The following GRK3 variants were observed in gnomAD, a reference collection of about 807,000 sequenced individuals.
GRK3 encodes G protein-coupled receptor kinase 3, also known as adrenergic, beta, receptor kinase 2.
In GRK3, 54 loss-of-function variants were observed where a neutral mutation model predicts 95.7. The observed-to-expected ratio is 0.56, with a 90% CI of 0.45 to 0.71. GRK3 has a LOEUF of 0.71. Ranked by LOEUF, GRK3 falls within the 30% of genes least tolerant of loss-of-function variation. GRK3 has a pLI of 0.00. For synonymous variants in GRK3, 281 were observed against 290.8 expected, an observed-to-expected ratio of 0.97 and a Z score of 0.34; for missense variants, 649 against 851.2, an observed-to-expected ratio of 0.76 and a Z score of 2.96.
At chr22:25,627,067 T>G (rs1054682423) in intron 2 of GRK3, among the ~76,000 whole-genome samples, 1 of 152,162 alleles carries the variant, frequency 6.6e-6, no homozygotes, top group Non-Finnish European at 1.5e-5. Flanking sequence ...AGTGTCATAT[T>G]GCAGAGTACC....
At chr22:25,717,341 C>T (rs1043440476) in intron 18 of GRK3, among the ~76,000 whole-genome samples, 9 of 152,132 alleles carry the variant, frequency 5.9e-5, no homozygotes, top group Admixed American at 1.3e-4. Context: ...GTGAAAAGGA[C>T]GACTCCATCC....
At chr22:25,600,147 GT>G (rs797013361) in intron 1 of GRK3, among the ~76,000 whole-genome samples, 3,677 of 136,946 alleles carry the variant, frequency 0.027, 53 homozygotes, top group Middle Eastern at 0.064. Flanking sequence ...TATCTGCAGG[GT>G]TTTTTTTTTT....
intron 2 of GRK3, among the ~76,000 whole-genome samples, chr22:25,642,346 T>G (rs2084749239): frequency 6.6e-6 from 1 of 152,054 alleles, no homozygotes; most frequent in Non-Finnish European, 1.5e-5. Context: ...GGCAGGAGAA[T>G]TGCTTGAACC....
intron 1 of GRK3, among the ~76,000 whole-genome samples, chr22:25,573,028 T>C (rs1931761346): frequency 6.6e-6 from 1 of 152,220 alleles, no homozygotes; most frequent in African/African-American, 2.4e-5. Context: ...TGTATTACCT[T>C]CTGTGCACTG....
chr22:25,721,837 G>C (rs1485266813), intron 20 of GRK3, among the ~76,000 whole-genome samples: 5 of 152,150 alleles, frequency 3.3e-5, no homozygotes, highest in Non-Finnish European at 7.3e-5. Flanking sequence ...TGGTTCACTA[G>C]TGTGTGTGTT....
chr22:25,655,224 G>A (rs1228972613), intron 3 of GRK3, among the ~76,000 whole-genome samples: 2 of 152,008 alleles, frequency 1.3e-5, no homozygotes, highest in Non-Finnish European at 2.9e-5. Flanking sequence ...TTCTAACTGC[G>A]TATCCTGGCA....
intron 3 of GRK3, among the ~76,000 whole-genome samples, chr22:25,659,106 G>T (rs1262591496): frequency 6.6e-6 from 1 of 152,098 alleles, no homozygotes; most frequent in African/African-American, 2.4e-5. Flanking sequence ...TGAAGAAGGG[G>T]TGCCCCCAGC....
At chr22:25,624,746 A>G (rs1339840878) in intron 2 of GRK3, among the ~76,000 whole-genome samples, 3 of 151,942 alleles carry the variant, frequency 2.0e-5, no homozygotes, top group Admixed American at 6.6e-5. Flanking sequence ...CTCTGACGCT[A>G]TTTTCTCTTT....
chr22:25,573,169 C>T (rs1231510434), intron 1 of GRK3, among the ~76,000 whole-genome samples: 1 of 152,248 alleles, frequency 6.6e-6, no homozygotes, highest in Non-Finnish European at 1.5e-5. Flanking sequence ...AGCTCCTTTA[C>T]TTATTCCTCA....
At chr22:25,612,941 A>T (rs956399365) in intron 2 of GRK3, among the ~76,000 whole-genome samples, 16 of 152,042 alleles carry the variant, frequency 1.1e-4, no homozygotes, top group East Asian at 1.9e-4. Flanking sequence ...GGTAATTATT[A>T]AAAAAAACCC....
intron 8 of GRK3, among the ~76,000 whole-genome samples, chr22:25,678,382 A>G (rs1361538296): frequency 6.6e-6 from 1 of 152,164 alleles, no homozygotes; most frequent in African/African-American, 2.4e-5. Flanking sequence ...GTGAACCCGG[A>G]AGGTGGAGCT....
intron 2 of GRK3, among the ~76,000 whole-genome samples, chr22:25,615,798 C>T (rs1001858564): frequency 3.4e-5 from 5 of 145,232 alleles, no homozygotes; most frequent in Non-Finnish European, 7.5e-5. Flanking sequence ...AGGGAGTGCT[C>T]GTGCACATGG....
In GRK3 at chr22:25,723,628, C is replaced by G. The variant is rs942276647; in HGVS notation, c.*1178C>G. The stretch of plus-strand genomic sequence containing the variant: ...CTGCCTCCAGGCCCCACTGATACCC[C>G]CAAATAGATGCTGGGTTATGAGAAC... On this transcript the variant is annotated 3_prime_UTR_variant, in exon 21 of 21. Transcript: ENST00000324198. 1.3e-5 allele frequency: 2 copies of G among 152,020 alleles called. No homozygotes were observed. 9.4% of individuals were successfully genotyped at this position (152,020 alleles called of 1,614,324 possible). A position where few individuals can be genotyped will look rare whatever the true frequency, so the allele number is the denominator to read the frequency against.
At chr22:25,567,222 A>C (rs1931523153) in intron 1 of GRK3, among the ~76,000 whole-genome samples, 1 of 152,158 alleles carries the variant, frequency 6.6e-6, no homozygotes, top group Non-Finnish European at 1.5e-5. Flanking sequence ...GCTCTTTTTA[A>C]AATAGACTCT....
At chr22:25,579,424 G>T (rs965994967) in intron 1 of GRK3, among the ~76,000 whole-genome samples, 1 of 151,906 alleles carries the variant, frequency 6.6e-6, no homozygotes. Flanking sequence ...GGGATTGCAG[G>T]CTTGAGCCTC....
intron 1 of GRK3, among the ~76,000 whole-genome samples, chr22:25,590,609 C>G (rs549981499): frequency 6.6e-6 from 1 of 152,168 alleles, no homozygotes; most frequent in East Asian, 1.9e-4. Flanking sequence ...ATCATAAGGT[C>G]AAGAGATCGA....
At chr22:25,581,305 A>T (rs1932093328) in intron 1 of GRK3, 1 of 152,216 alleles carries the variant, frequency 6.6e-6, no homozygotes, top group Admixed American at 6.5e-5. Flanking sequence ...AGGTGTGAAT[A>T]TCACAACTGT....
At chr22:25,623,481 T>A (rs373921324) in intron 2 of GRK3, among the ~76,000 whole-genome samples, 7 of 152,334 alleles carry the variant, frequency 4.6e-5, no homozygotes, top group Admixed American at 3.9e-4. Context: ...GCAGCCTTAG[T>A]GAGCCAGCTC....
At position 25,639,987 on chromosome 22, in the gene GRK3, T is replaced by G. The variant is rs149093952; in HGVS notation, c.191-4605T>G. On this transcript the variant is annotated intron_variant, in intron 2 of 20. Coordinates refer to ENST00000324198, the MANE Select transcript of GRK3 (RefSeq NM_005160.4). Reference sequence around the variant, plus strand: ...TGTGTGCTATGAGTTTATAGAAATTTCATTGGTTTTTATCTAATGACCTTA... The same window carrying G: ...TGTGTGCTATGAGTTTATAGAAATTGCATTGGTTTTTATCTAATGACCTTA... Among the ~76,000 whole-genome samples the G allele has an allele frequency of 9.4e-3, 1,425 of 152,316 alleles. 89 individuals carry two copies. The highest frequency in any genetic ancestry group is 0.089 in the Admixed American group (1,357 of 15,302).
Sources: gnomAD v4.1 joint callset for allele counts (sites outside exome capture counted in the v4.1 genomes callset) on GRCh38, gnomAD v4.1.1 for gene constraint, MANE v1.5 for transcripts, NCBI Gene and HGNC (gene_info 2026-07-23, HGNC 2026-07-21) for gene names.